Variants in RARB observed in about 807,000 individuals in gnomAD.
RARB encodes HBV-activated protein.
A neutral mutation model predicts 51.9 loss-of-function variants in RARB; 17 were observed. The observed-to-expected ratio is 0.33, with a 90% CI of 0.22 to 0.49. The LOEUF is 0.49. Among genes scored for constraint, RARB ranks in the 20% least tolerant of loss-of-function variants. RARB has a pLI of 0.99. For synonymous variants in RARB, 215 were observed against 195.4 expected (o/e 1.10, Z -0.84); for missense variants, 369 against 550.8 (o/e 0.67, Z 3.30).
chr3:25,485,067 C>T (rs1696396518), intron 2 of RARB, among the ~76,000 whole-genome samples: 1 of 152,038 alleles, frequency 6.6e-6, no homozygotes, highest in African/African-American at 2.4e-5. Flanking sequence ...CTCTTTGCCT[C>T]CAAAATAAGG....
At chr3:25,257,896 C>T (rs1484420176) in intron 5 of RARB, among the ~76,000 whole-genome samples, 1 of 152,124 alleles carries the variant, frequency 6.6e-6, no homozygotes, top group Non-Finnish European at 1.5e-5. Flanking sequence ...CATCAAAGCA[C>T]AAATCATGTG....
chr3:25,503,911 CAG>C (rs1697436463), intron 3 of RARB, among the ~76,000 whole-genome samples: 1 of 152,182 alleles, frequency 6.6e-6, no homozygotes, highest in South Asian at 2.1e-4. Flanking sequence ...CACTAGGACT[CAG>C]AAAGATGACA....
At chr3:24,997,918 T>C (rs751251507) in intron 2 of RARB, among the ~76,000 whole-genome samples, 2 of 152,194 alleles carry the variant, frequency 1.3e-5, no homozygotes, top group Non-Finnish European at 2.9e-5. Context: ...AATAAATGCA[T>C]AGAAATTCTA....
chr3:24,840,827 C>T (rs1702412538), intron 1 of RARB, among the ~76,000 whole-genome samples: 1 of 148,750 alleles, frequency 6.7e-6, no homozygotes, highest in East Asian at 2.0e-4. Context: ...ACTTCCAAAT[C>T]ACTTAATAAA....
rs116524766 is a variant in RARB at position 24,845,723 on chromosome 3, C to T, written c.-458-12951C>T. Among the ~76,000 whole-genome samples the T allele has an allele frequency of 3.8e-3, 584 of 152,134 alleles. 1 individual carries two copies. The highest frequency in any genetic ancestry group is 0.013 in the African/African-American group (543 of 41,502). ...TGGAAAGGTTTGACATTCCCTCCCC[C>T]ACTTGAGAGTCAGTTCTCTGCAGCA... On this transcript the variant is annotated intron_variant, in intron 1 of 11. Transcript: ENST00000383772.
intron 5 of RARB, among the ~76,000 whole-genome samples, chr3:25,391,242 G>A (rs1389596215): frequency 6.6e-6 from 1 of 151,898 alleles, no homozygotes; most frequent in Non-Finnish European, 1.5e-5. Context: ...CTTTTTTATG[G>A]CTGAGTAGTA....
chr3:24,961,951 A>G (rs1210378558), intron 2 of RARB, among the ~76,000 whole-genome samples: 6 of 73,106 alleles, frequency 8.2e-5, no homozygotes, highest in African/African-American at 3.3e-4. Flanking sequence ...TTTTTTTGAG[A>G]CAGAGTCTTG....
chr3:25,048,073 A>G (rs993528081), intron 2 of RARB, among the ~76,000 whole-genome samples: 52 of 152,246 alleles, frequency 3.4e-4, no homozygotes, highest in African/African-American at 1.3e-3. Context: ...CTTCTGCCAT[A>G]ATTGTGAGGC....
chr3:24,879,467 C>T (rs1488617637), intron 2 of RARB, among the ~76,000 whole-genome samples: 1 of 146,630 alleles, frequency 6.8e-6, no homozygotes, highest in Non-Finnish European at 1.5e-5. Flanking sequence ...AATTGAGTTC[C>T]AGCAGAAAGG....
intron 2 of RARB, among the ~76,000 whole-genome samples, chr3:24,990,578 G>A (rs1696888553): frequency 9.3e-6 from 1 of 107,242 alleles, no homozygotes; most frequent in Non-Finnish European, 1.9e-5. Context: ...TCTCTCATAA[G>A]CCAAGCTTAA....
chr3:25,578,189 T>C (rs2125301384), intron 4 of RARB, among the ~76,000 whole-genome samples: 1 of 152,334 alleles, frequency 6.6e-6, no homozygotes, highest in South Asian at 2.1e-4. Context: ...AGGCCAGGGC[T>C]CTCCATTTGC....
intron 3 of RARB, among the ~76,000 whole-genome samples, chr3:25,111,193 T>A (rs1015529613): frequency 6.6e-6 from 1 of 152,218 alleles, no homozygotes; most frequent in African/African-American, 2.4e-5. Context: ...TGATTTCATT[T>A]ATTAAGAGAT....
chr3:25,466,251 G>A lies in RARB; in HGVS notation c.306+4910G>A, dbSNP rs143292474. 9.9e-5 allele frequency among the ~76,000 whole-genome samples: 15 copies of A among 152,236 alleles called. No individual in the cohort carries two copies. In the East Asian group the frequency reaches 1.9e-3, roughly 20 times the overall value. ...TGCCCAGGCTGGAGTGCAGTGGCGC[G>A]ATCTAGGCTCACTGCAACCTCTGCC... On this transcript the variant is annotated intron_variant, in intron 2 of 7. Transcript: ENST00000330688.
At chr3:25,026,579 C>T (rs183516530) in intron 2 of RARB, among the ~76,000 whole-genome samples, 1 of 152,272 alleles carries the variant, frequency 6.6e-6, no homozygotes, top group Non-Finnish European at 1.5e-5. Flanking sequence ...CATATGATCT[C>T]ATTTAACATT....
chr3:25,142,649 A>G (rs1291834238), intron 4 of RARB, among the ~76,000 whole-genome samples: 1 of 150,146 alleles, frequency 6.7e-6, no homozygotes, highest in Non-Finnish European at 1.5e-5. Context: ...GCCGTTTGCC[A>G]TCATTAGCTT....
chr3:24,959,337 T>A (rs1185132387), intron 2 of RARB, among the ~76,000 whole-genome samples: 1 of 152,096 alleles, frequency 6.6e-6, no homozygotes. Context: ...TGGCTCTCAG[T>A]GGGAAGGGGA....
intron 2 of RARB, among the ~76,000 whole-genome samples, chr3:25,043,102 T>C (rs1698146578): frequency 6.6e-6 from 1 of 152,228 alleles, no homozygotes. Context: ...GCTCTTGTAG[T>C]AAGCTTAAGC....
chr3:25,575,244 G>A (rs1203376272), intron 4 of RARB, among the ~76,000 whole-genome samples: 1 of 152,136 alleles, frequency 6.6e-6, no homozygotes, highest in Non-Finnish European at 1.5e-5. Context: ...TGGCGATAAC[G>A]CTCGCTCCTG....
intron 5 of RARB, among the ~76,000 whole-genome samples, chr3:25,318,709 G>T (rs1198792856): frequency 2.0e-5 from 3 of 152,170 alleles, no homozygotes; most frequent in African/African-American, 4.8e-5. Context: ...TTGAAAGAAT[G>T]ATTTTCTCCC....
Sources: allele counts gnomAD v4.1 joint callset (sites outside exome capture counted in the v4.1 genomes callset), GRCh38; gene constraint gnomAD v4.1.1; transcripts MANE v1.5; gene names NCBI Gene and HGNC (gene_info 2026-07-23, HGNC 2026-07-21).